Variants in NT5C2 observed in about 807,000 individuals in gnomAD.
NT5C2 encodes the protein 5'-nucleotidase, cytosolic II.
Under a neutral mutation model 76.1 loss-of-function variants are expected in NT5C2, and 58 were observed. The ratio of observed to expected loss-of-function variants is 0.76; its 90% CI spans 0.62 to 0.95. The LOEUF (loss-of-function observed/expected upper bound fraction) is 0.95. Among genes scored for constraint, NT5C2 ranks in the 40% least tolerant of loss-of-function variants. The pLI, the probability that NT5C2 is intolerant of heterozygous loss-of-function variation, is 0.00. For missense variants in NT5C2, 478 were observed against 690.3 expected (o/e 0.69, Z 3.45); for synonymous variants, 229 against 237.4 (o/e 0.96, Z 0.32).
chr10:103,172,125 G>A (rs1376152155), intron 3 of NT5C2, among the ~76,000 whole-genome samples: 3 of 151,980 alleles, frequency 2.0e-5, no homozygotes, highest in South Asian at 2.1e-4. Flanking sequence ...CAGGAGAATC[G>A]CTTGAACCTG....
chr10:103,101,778 C>A (rs2069752960), intron 6 of NT5C2, among the ~76,000 whole-genome samples: 1 of 151,988 alleles, frequency 6.6e-6, no homozygotes, highest in Non-Finnish European at 1.5e-5. Flanking sequence ...GAAGGGAACA[C>A]CATTTCAACT....
intron 2 of NT5C2, among the ~76,000 whole-genome samples, chr10:103,177,073 C>G (rs941819164): frequency 1.3e-5 from 2 of 151,970 alleles, no homozygotes; most frequent in Non-Finnish European, 2.9e-5. Flanking sequence ...AAATGTCATC[C>G]CTTTAAAAGA....
chr10:103,174,089 C>T (rs549618010), intron 3 of NT5C2, among the ~76,000 whole-genome samples: 1 of 143,952 alleles, frequency 6.9e-6, no homozygotes, highest in African/African-American at 2.6e-5. Context: ...GAGCCAGACT[C>T]CGTCTCAAAA....
chr10:103,116,729 C>T (rs2074444689), intron 4 of NT5C2, among the ~76,000 whole-genome samples: 2 of 151,556 alleles, frequency 1.3e-5, no homozygotes, highest in Admixed American at 1.3e-4. Flanking sequence ...ACATCCACCA[C>T]CACACCTGGC....
intron 4 of NT5C2, among the ~76,000 whole-genome samples, chr10:103,121,731 C>A (rs567038608): frequency 6.6e-6 from 1 of 152,060 alleles, no homozygotes; most frequent in African/African-American, 2.4e-5. Flanking sequence ...TTGTTAATGC[C>A]AAGTGCTTAG....
At chr10:103,137,100 AT>A (rs1397586390) in intron 4 of NT5C2, among the ~76,000 whole-genome samples, 1 of 152,200 alleles carries the variant, frequency 6.6e-6, no homozygotes, top group Admixed American at 6.5e-5. Context: ...CAAGGGAAAA[AT>A]ATTTGTCACT....
At chr10:103,095,019 T>A (rs2067858288) in intron 12 of NT5C2, among the ~76,000 whole-genome samples, 1 of 152,222 alleles carries the variant, frequency 6.6e-6, no homozygotes, top group Non-Finnish European at 1.5e-5. Flanking sequence ...CAATACTTAT[T>A]TTACAGCACT....
intron 1 of NT5C2, among the ~76,000 whole-genome samples, chr10:103,186,653 G>A (rs181269769): frequency 6.6e-6 from 1 of 152,312 alleles, no homozygotes; most frequent in Admixed American, 6.5e-5. Flanking sequence ...GGTGGCTCAT[G>A]CCTGTAATCC....
At position 103,099,934 on chromosome 10, in the gene NT5C2, G is replaced by T. The variant is rs1288943666; in HGVS notation, c.625C>A (p.His209Asn). 4 of 1,607,338 alleles carry T rather than the reference G, an allele frequency of 2.5e-6. No homozygotes were observed. The highest frequency in any genetic ancestry group is 3.4e-6 in the Non-Finnish European group (4 of 1,174,154). The change falls in exon 9 of 19, where the codon CAT becomes AAT. Residue 209 changes from histidine to asparagine, a missense_variant. His to Asn is a moderately conservative substitution (Grantham distance 68). Coordinates refer to ENST00000404739, the MANE Select transcript of NT5C2 (RefSeq NM_001351169.2). ...QDVRDAVDWV[H>N]YKGSLKEKTV... ...AAACAGCTTCTAGGTACCTTGTAAT[G>T]AACCCAGTCAACAGCATCTCTTACA...
intron 1 of NT5C2, among the ~76,000 whole-genome samples, chr10:103,184,255 GTTT>G (rs1300934705): frequency 6.6e-6 from 1 of 151,998 alleles, no homozygotes; most frequent in Non-Finnish European, 1.5e-5. Context: ...CTATAAACAA[GTTT>G]TTTTGTTTAT....
intron 11 of NT5C2, among the ~76,000 whole-genome samples, chr10:103,096,404 A>T (rs2134839942): frequency 6.6e-6 from 1 of 152,342 alleles, no homozygotes; most frequent in East Asian, 1.9e-4. Context: ...GTCTAAATCA[A>T]GTTTACATGT....
rs900969733 is a variant in NT5C2, at chr10:103,094,387, G to T, written c.882C>A (p.Leu294=). The T allele has an allele frequency of 3.1e-6, 5 of 1,613,248 alleles. No individual in the cohort carries two copies. The East Asian group carries it at 8.9e-5, about 29-fold the overall frequency. The change falls in exon 13 of 19, where the codon CTC becomes CTA. Residue 294 remains leucine (L), a synonymous_variant. Transcript: ENST00000404739. The part of the protein sequence containing the change: ...DLILVDARKP[L]FFGEGTVLRQ... ...GCAGTACTGTGCCTTCTCCAAAAAA[G>T]AGTGGTTTCCGTGCATCCACCAAGA...
At chr10:103,117,473 C>T (rs1161129404) in intron 4 of NT5C2, among the ~76,000 whole-genome samples, 1 of 152,112 alleles carries the variant, frequency 6.6e-6, no homozygotes, top group African/African-American at 2.4e-5. Flanking sequence ...ACAGCAAGGC[C>T]CCCTCTCTAC....
At chr10:103,094,645 A>G (rs1252448698) in intron 12 of NT5C2, 190 bp from the exon 13 acceptor site, 1 of 516,350 alleles carries the variant, frequency 1.9e-6, no homozygotes, top group Admixed American at 3.3e-5. Flanking sequence ...GTACTTTGGG[A>G]GGCCGAGGCG....
At chr10:103,101,432 A>C (rs2069616466) in intron 6 of NT5C2, 106 bp from the exon 7 acceptor site, 1 of 645,048 alleles carries the variant, frequency 1.6e-6, no homozygotes, top group South Asian at 2.1e-5. Flanking sequence ...GCTATGTGCA[A>C]GACAGAATTC....
chr10:103,137,253 A>G (rs572524199), intron 4 of NT5C2, among the ~76,000 whole-genome samples: 2 of 152,192 alleles, frequency 1.3e-5, no homozygotes, highest in African/African-American at 4.8e-5. Context: ...CAAGATCTAC[A>G]TTGGGAAAGT....
chr10:103,192,389 C>T (rs1318078843), intron 1 of NT5C2, among the ~76,000 whole-genome samples: 1 of 152,198 alleles, frequency 6.6e-6, no homozygotes, highest in Non-Finnish European at 1.5e-5. Flanking sequence ...AACGTCGATT[C>T]GGACAGCAGC....
intron 6 of NT5C2, among the ~76,000 whole-genome samples, chr10:103,104,367 C>T (rs2070628559): frequency 6.6e-6 from 1 of 152,218 alleles, no homozygotes; most frequent in Non-Finnish European, 1.5e-5. Context: ...CTCTTTTCTT[C>T]TCTGCCTACC....
intron 2 of NT5C2, among the ~76,000 whole-genome samples, chr10:103,179,830 G>A (rs2090750838): frequency 6.6e-6 from 1 of 152,190 alleles, no homozygotes; most frequent in Non-Finnish European, 1.5e-5. Flanking sequence ...TATTCTCTTA[G>A]AAGGTTAGAT....
Sources: gnomAD v4.1 joint callset for allele counts (sites outside exome capture counted in the v4.1 genomes callset) on GRCh38, gnomAD v4.1.1 for gene constraint, MANE v1.5 for transcripts, NCBI Gene and HGNC (gene_info 2026-07-23, HGNC 2026-07-21) for gene names.